The following RPTOR variants were observed in gnomAD, a reference collection of about 807,000 sequenced individuals.
RPTOR encodes the protein regulatory associated protein of MTOR complex 1.
Under a neutral mutation model 169.9 loss-of-function variants are expected in RPTOR, and 21 were observed. The observed-to-expected ratio is 0.12, with a 90% CI of 0.09 to 0.18. The LOEUF is 0.18. RPTOR is among the 10% of genes least tolerant of loss of function. The pLI is 1.00. For synonymous variants in RPTOR, 732 were observed against 753.2 expected (o/e 0.97, Z 0.46); for missense variants, 1,133 against 1,855.9 (o/e 0.61, Z 7.16).
chr17:80,751,247 G>A (rs568983638), intron 5 of RPTOR, among the ~76,000 whole-genome samples: 1 of 152,118 alleles, frequency 6.6e-6, no homozygotes, highest in Admixed American at 6.5e-5. Context: ...TCGTGTTGGC[G>A]TCGTAGGTGC....
intron 3 of RPTOR, among the ~76,000 whole-genome samples, chr17:80,660,379 G>A (rs193026539): frequency 3.9e-5 from 6 of 152,160 alleles, no homozygotes; most frequent in Non-Finnish European, 5.9e-5. Context: ...GTGTTGTGTC[G>A]TGTCATGTCA....
chr17:80,545,937 A>T, intron 1 of RPTOR, 146 bp downstream of exon 1: 1 of 651,202 alleles, frequency 1.5e-6, no homozygotes. Context: ...GCCATTTCAG[A>T]CTGCAGTTTT....
In RPTOR at chr17:80,786,472, G is replaced by C. The variant is rs554936892; in HGVS notation, c.831-4978G>C. Reference sequence around the variant, plus strand: ...CTTCATTGTTAAAAGAAAACTCTAGGCAAATTGAATACAACAGAGTTTAAT... The same window carrying C: ...CTTCATTGTTAAAAGAAAACTCTAGCCAAATTGAATACAACAGAGTTTAAT... On this transcript the variant is annotated intron_variant, in intron 6 of 33. Coordinates refer to ENST00000306801, the MANE Select transcript of RPTOR (RefSeq NM_020761.3). Among the ~76,000 whole-genome samples the C allele has an allele frequency of 5.3e-5, 8 of 152,256 alleles. No homozygotes were observed. In the East Asian group the frequency reaches 1.5e-3, roughly 29 times the overall value.
intron 1 of RPTOR, among the ~76,000 whole-genome samples, chr17:80,623,051 G>T (rs575129308): frequency 1.3e-5 from 2 of 152,304 alleles, no homozygotes; most frequent in Non-Finnish European, 2.9e-5. Context: ...GATAAAGATT[G>T]TACTTAAAAT....
At chr17:80,602,258 C>T (rs2065193343) in intron 1 of RPTOR, among the ~76,000 whole-genome samples, 1 of 65,828 alleles carries the variant, frequency 1.5e-5, no homozygotes, top group Admixed American at 1.1e-4. Context: ...GACCCCCCAC[C>T]TCCCTCCCGG....
chr17:80,827,808 C>T (rs966443243), intron 9 of RPTOR, among the ~76,000 whole-genome samples: 2 of 152,230 alleles, frequency 1.3e-5, no homozygotes, highest in East Asian at 1.9e-4. Context: ...ACTGATTAAG[C>T]GCCTGCTGCG....
chr17:80,669,142 G>A (rs1170526017), intron 3 of RPTOR, among the ~76,000 whole-genome samples: 1 of 152,342 alleles, frequency 6.6e-6, no homozygotes, highest in African/African-American at 2.4e-5. Flanking sequence ...GAGCAGCCAG[G>A]GGCTGGGGGC....
At chr17:80,664,284 G>A (rs768181104) in intron 3 of RPTOR, among the ~76,000 whole-genome samples, 6 of 152,142 alleles carry the variant, frequency 3.9e-5, no homozygotes, top group Non-Finnish European at 2.9e-5. Context: ...TTAATGCCCA[G>A]CACAAATGCA....
At chr17:80,908,761 C>A (rs768182988) in intron 20 of RPTOR, 50 bp from the exon 21 acceptor site, 3 of 1,364,286 alleles carry the variant, frequency 2.2e-6, no homozygotes, top group Non-Finnish European at 3.1e-6. Flanking sequence ...CCTTAGGAGC[C>A]TCATTGGCAG....
At chr17:80,946,414 TC>T (rs1336717310) in intron 26 of RPTOR, among the ~76,000 whole-genome samples, 2 of 152,208 alleles carry the variant, frequency 1.3e-5, no homozygotes, top group East Asian at 3.8e-4. Flanking sequence ...TATGCAACCA[TC>T]ACCCCCATTG....
chr17:80,758,191 C>A (rs866600925), intron 6 of RPTOR, among the ~76,000 whole-genome samples: 4 of 152,194 alleles, frequency 2.6e-5, no homozygotes, highest in Admixed American at 2.6e-4. Flanking sequence ...AATCTGAACC[C>A]TTCAAGGCAA....
intron 6 of RPTOR, among the ~76,000 whole-genome samples, chr17:80,763,309 GA>G (rs1299133531): frequency 1.3e-5 from 2 of 152,130 alleles, no homozygotes; most frequent in African/African-American, 4.8e-5. Context: ...ATCAGAAGAT[GA>G]AAAAGAGAAA....
At chr17:80,784,924 C>T (rs1198635104) in intron 6 of RPTOR, among the ~76,000 whole-genome samples, 1 of 152,098 alleles carries the variant, frequency 6.6e-6, no homozygotes, top group Non-Finnish European at 1.5e-5. Context: ...CAGAGTTTCT[C>T]CATGTTGGTC....
At chr17:80,704,962 G>A (rs1450765735) in intron 3 of RPTOR, among the ~76,000 whole-genome samples, 2 of 152,266 alleles carry the variant, frequency 1.3e-5, no homozygotes, top group African/African-American at 4.8e-5. Context: ...CAGAACATGT[G>A]GGTCAGATTG....
At chr17:80,722,891 C>G (rs2066298991) in intron 4 of RPTOR, among the ~76,000 whole-genome samples, 1 of 151,250 alleles carries the variant, frequency 6.6e-6, no homozygotes, top group South Asian at 2.1e-4. Flanking sequence ...CAGCCCAGGC[C>G]CCCACCCACA....
intron 3 of RPTOR, among the ~76,000 whole-genome samples, chr17:80,671,010 C>T (rs2065817739): frequency 6.6e-6 from 1 of 152,192 alleles, no homozygotes; most frequent in Admixed American, 6.6e-5. Flanking sequence ...CCATATTGAG[C>T]CCCTAAAGCA....
chr17:80,806,496 T>C (rs958343945), intron 7 of RPTOR, among the ~76,000 whole-genome samples: 2 of 152,232 alleles, frequency 1.3e-5, no homozygotes, highest in African/African-American at 4.8e-5. Context: ...TTATATGTGG[T>C]TGTGTATGTG....
At chr17:80,744,382 TGGTTACG>T (rs1410520982) in intron 5 of RPTOR, among the ~76,000 whole-genome samples, 42 of 112,754 alleles carry the variant, frequency 3.7e-4, no homozygotes, top group Non-Finnish European at 5.6e-4. Flanking sequence ...AGCACAGCCC[TGGTTACG>T]AGCACTGTCC....
At chr17:80,886,404 C>T (rs542719253) in intron 17 of RPTOR, among the ~76,000 whole-genome samples, 1 of 152,354 alleles carries the variant, frequency 6.6e-6, no homozygotes, top group Non-Finnish European at 1.5e-5. Context: ...TTGTTGCCAT[C>T]ACGTTCTCCT....
Sources: gnomAD v4.1 joint callset for allele counts (sites outside exome capture counted in the v4.1 genomes callset) on GRCh38, gnomAD v4.1.1 for gene constraint, MANE v1.5 for transcripts, NCBI Gene and HGNC (gene_info 2026-07-23, HGNC 2026-07-21) for gene names.